DPP10: variants seen among roughly 807,000 people sequenced by gnomAD.
DPP10 encodes the protein dipeptidyl peptidase like 10.
A neutral mutation model predicts 120.9 loss-of-function variants in DPP10; 33 were observed. That is an observed-to-expected ratio of 0.27 (90% CI 0.21 to 0.37). DPP10 has a LOEUF of 0.37. Among genes scored for constraint, DPP10 ranks in the 10% least tolerant of loss-of-function variants. The pLI is 1.00. For missense variants in DPP10, 816 were observed against 942.8 expected, an observed-to-expected ratio of 0.87 and a Z score of 1.76; for synonymous variants, 337 against 326.1, an observed-to-expected ratio of 1.03 and a Z score of -0.36.
intron 1 of DPP10, among the ~76,000 whole-genome samples, chr2:114,497,077 ATATACATGTACATGTACATG>A (rs1343824318): frequency 7.0e-4 from 106 of 150,494 alleles, no homozygotes; most frequent in African/African-American, 2.4e-3. Context: ...ACACATATAC[ATATACATGTACATGTACATG>A]TGTACATGTA....
At chr2:114,447,938 A>G (rs1678034161) in intron 1 of DPP10, among the ~76,000 whole-genome samples, 1 of 152,218 alleles carries the variant, frequency 6.6e-6, no homozygotes, top group Non-Finnish European at 1.5e-5. Context: ...TTATATGCTT[A>G]AGGCAAAATC....
intron 2 of DPP10, among the ~76,000 whole-genome samples, chr2:115,328,462 A>G (rs1489045129): frequency 6.6e-6 from 1 of 152,100 alleles, no homozygotes; most frequent in South Asian, 2.1e-4. Context: ...GTAAAATTTA[A>G]TAATAGTCCT....
intron 1 of DPP10, among the ~76,000 whole-genome samples, chr2:114,479,614 A>G (rs944746025): frequency 1.4e-4 from 21 of 152,186 alleles, no homozygotes; most frequent in Non-Finnish European, 2.8e-4. Context: ...AGCAATGGGG[A>G]AAGGATTCCC....
intron 1 of DPP10, among the ~76,000 whole-genome samples, chr2:114,841,639 A>T (rs577407859): frequency 1.6e-4 from 24 of 152,242 alleles, no homozygotes; most frequent in African/African-American, 5.8e-4. Context: ...ATCAACTTCT[A>T]GGACTGAAAG....
chr2:114,562,116 A>G (rs1290705594), intron 1 of DPP10, among the ~76,000 whole-genome samples: 1 of 152,212 alleles, frequency 6.6e-6, no homozygotes, highest in East Asian at 1.9e-4. Context: ...TTCAACCAAT[A>G]TTACAGGTAC....
At chr2:115,252,307 A>G (rs559545133) in intron 1 of DPP10, among the ~76,000 whole-genome samples, 1 of 152,266 alleles carries the variant, frequency 6.6e-6, no homozygotes, top group Non-Finnish European at 1.5e-5. Flanking sequence ...TGTCCCTTCA[A>G]CCTTGCTGTG....
intron 5 of DPP10, among the ~76,000 whole-genome samples, chr2:115,674,111 G>T (rs2090100908): frequency 6.6e-6 from 1 of 152,124 alleles, no homozygotes; most frequent in African/African-American, 2.4e-5. Context: ...TGTAATCCCA[G>T]CTACTTGGGA....
intron 1 of DPP10, among the ~76,000 whole-genome samples, chr2:114,913,139 A>C (rs1225743643): frequency 6.6e-6 from 1 of 152,158 alleles, no homozygotes; most frequent in African/African-American, 2.4e-5. Flanking sequence ...GGCAGCCATC[A>C]CCATAGCTCT....
At chr2:115,285,248 C>A (rs2105895406) in intron 1 of DPP10, among the ~76,000 whole-genome samples, 1 of 152,138 alleles carries the variant, frequency 6.6e-6, no homozygotes, top group Middle Eastern at 3.4e-3. Flanking sequence ...ACCTAGGCAG[C>A]TTTTATTGTG....
At chr2:115,482,694 C>A (rs1351816694) in intron 3 of DPP10, among the ~76,000 whole-genome samples, 1 of 151,920 alleles carries the variant, frequency 6.6e-6, no homozygotes, top group African/African-American at 2.4e-5. Flanking sequence ...TCCTCGTGTA[C>A]CATGTATCAT....
At chr2:115,613,087 G>A (rs918061034) in intron 5 of DPP10, among the ~76,000 whole-genome samples, 8 of 152,182 alleles carry the variant, frequency 5.3e-5, no homozygotes, top group Non-Finnish European at 1.2e-4. Flanking sequence ...TCAAGGAGTT[G>A]CATTCTACTA....
chr2:114,811,550 A>C (rs1026860626), intron 1 of DPP10, among the ~76,000 whole-genome samples: 1 of 149,988 alleles, frequency 6.7e-6, no homozygotes, highest in Non-Finnish European at 1.5e-5. Context: ...TCCAATTCCA[A>C]CTCCACTCTC....
At chr2:114,892,548 A>T (rs542989375) in intron 1 of DPP10, among the ~76,000 whole-genome samples, 8 of 152,336 alleles carry the variant, frequency 5.3e-5, no homozygotes, top group Non-Finnish European at 8.8e-5. Context: ...CAGGTGAAAG[A>T]ATGAGGCAGT....
intron 1 of DPP10, among the ~76,000 whole-genome samples, chr2:114,565,239 T>C (rs926964539): frequency 4.6e-5 from 7 of 152,228 alleles, no homozygotes; most frequent in Non-Finnish European, 8.8e-5. Context: ...TATTTTCTTT[T>C]GCACAACAGC....
intron 1 of DPP10, among the ~76,000 whole-genome samples, chr2:115,033,697 C>CTTTT (rs10693499): frequency 4.3e-5 from 6 of 137,956 alleles, no homozygotes; most frequent in Admixed American, 7.3e-5. Context: ...ATCTTCCCTC[C>CTTTT]TTTTTTTTTT....
chr2:115,226,819 T>C (rs1414795125), intron 1 of DPP10, among the ~76,000 whole-genome samples: 5 of 152,190 alleles, frequency 3.3e-5, no homozygotes, highest in Non-Finnish European at 7.3e-5. Flanking sequence ...ATTACTTGTT[T>C]GGATCTCAGA....
intron 1 of DPP10, among the ~76,000 whole-genome samples, chr2:114,695,998 A>T (rs1700046019): frequency 6.6e-6 from 1 of 152,142 alleles, no homozygotes; most frequent in Non-Finnish European, 1.5e-5. Flanking sequence ...CCAGCACAAA[A>T]TATACATGAA....
chr2:114,996,061 C>A (rs929085629), intron 1 of DPP10, among the ~76,000 whole-genome samples: 1 of 152,176 alleles, frequency 6.6e-6, no homozygotes, highest in Admixed American at 6.5e-5. Context: ...TTCATTCAAG[C>A]TTTGAAAGAT....
At chr2:115,441,047 A>C (rs957209851) in intron 3 of DPP10, 2 of 152,172 alleles carry the variant, frequency 1.3e-5, no homozygotes, top group African/African-American at 4.8e-5. Flanking sequence ...TCTTATTTAC[A>C]TGAGAAGCAA....
Sources: allele counts gnomAD v4.1 joint callset (sites outside exome capture counted in the v4.1 genomes callset), GRCh38; gene constraint gnomAD v4.1.1; transcripts MANE v1.5; gene names NCBI Gene and HGNC (gene_info 2026-07-23, HGNC 2026-07-21).